Variants in ANXA10 observed in about 807,000 individuals in gnomAD.
ANXA10 encodes the protein annexin 14.
ANXA10 carries 49 observed loss-of-function variants against 53.5 expected under a neutral mutation model. The ratio of observed to expected loss-of-function variants is 0.92; its 90% CI spans 0.73 to 1.16. The LOEUF is 1.16. Ranked by LOEUF, ANXA10 falls within the 50% of genes most tolerant of loss-of-function variation. The pLI, the probability that ANXA10 is intolerant of heterozygous loss-of-function variation, is 0.00. For missense variants in ANXA10, 393 were observed against 394.4 expected, an observed-to-expected ratio of 1.00 and a Z score of 0.03; for synonymous variants, 131 against 128.9, an observed-to-expected ratio of 1.02 and a Z score of -0.11.
intron 8 of ANXA10, among the ~76,000 whole-genome samples, 164 bp from the exon 9 acceptor site, chr4:168,179,053 G>A (rs1732187882): frequency 1.3e-5 from 2 of 152,160 alleles, no homozygotes; most frequent in African/African-American, 4.8e-5. Flanking sequence ...ACTCTACTAA[G>A]AGTATTTGTA....
At chr4:168,097,059 C>T (rs1015262017) in intron 1 of ANXA10, among the ~76,000 whole-genome samples, 3 of 151,502 alleles carry the variant, frequency 2.0e-5, no homozygotes, top group African/African-American at 7.3e-5. Context: ...TTCTGTTGTA[C>T]TTAGCATAAT....
chr4:168,137,827 G>T (rs1731262276), intron 2 of ANXA10, among the ~76,000 whole-genome samples: 1 of 152,040 alleles, frequency 6.6e-6, no homozygotes, highest in South Asian at 2.1e-4. Context: ...TGAGTCAAAT[G>T]ATAGTTCTAT....
intron 1 of ANXA10, among the ~76,000 whole-genome samples, chr4:168,101,311 G>A (rs1460976899): frequency 6.6e-6 from 1 of 151,938 alleles, no homozygotes; most frequent in Non-Finnish European, 1.5e-5. Context: ...CATGCTTCCT[G>A]TTCCTGTGGA....
At position 168,155,808 on chromosome 4, in the gene ANXA10, GATATATT is replaced by G. The variant is rs1560783791; in HGVS notation, c.196-6713_196-6707del. On this transcript the variant is annotated intron_variant, in intron 3 of 11. Transcript: ENST00000359299. ...ATATTATATATAATATATAATATAT[GATATATT>G]ATATATGATATATGATATATCATAT... Among the ~76,000 whole-genome samples, 14 of 7,392 alleles carry G rather than the reference GATATATT, an allele frequency of 1.9e-3. No individual in the cohort carries two copies. The East Asian group carries it at 0.059, about 31-fold the overall frequency. 4.8% of individuals were successfully genotyped at this position (7,392 alleles called of 152,430 possible).
At chr4:168,155,993 CATAATTTAT>C (rs1731647247) in intron 3 of ANXA10, among the ~76,000 whole-genome samples, 1 of 23,456 alleles carries the variant, frequency 4.3e-5, no homozygotes, top group African/African-American at 1.7e-4. Flanking sequence ...ATATATTATA[CATAATTTAT>C]ATTATATGTT....
At chr4:168,151,260 A>G (rs1303569665) in intron 3 of ANXA10, among the ~76,000 whole-genome samples, 1 of 152,220 alleles carries the variant, frequency 6.6e-6, no homozygotes, top group Admixed American at 6.5e-5. Context: ...TAATAGAAAA[A>G]GCCATATAAG....
intron 3 of ANXA10, among the ~76,000 whole-genome samples, chr4:168,141,963 A>C (rs1731334848): frequency 1.3e-5 from 2 of 152,002 alleles, no homozygotes; most frequent in African/African-American, 4.8e-5. Flanking sequence ...ATTCTATCTA[A>C]TGGCTGCACT....
chr4:168,125,371 C>A (rs1731051213), intron 1 of ANXA10, among the ~76,000 whole-genome samples: 1 of 152,076 alleles, frequency 6.6e-6, no homozygotes, highest in South Asian at 2.1e-4. Context: ...CTGAATTATC[C>A]ATTGAAACCC....
intron 1 of ANXA10, among the ~76,000 whole-genome samples, chr4:168,126,660 G>C (rs1325630421): frequency 6.6e-6 from 1 of 152,046 alleles, no homozygotes; most frequent in African/African-American, 2.4e-5. Context: ...ATTCTTATGA[G>C]TCTGTCTGAT....
chr4:168,112,850 G>A (rs1274453087), intron 1 of ANXA10, among the ~76,000 whole-genome samples: 2 of 151,900 alleles, frequency 1.3e-5, no homozygotes, highest in Non-Finnish European at 2.9e-5. Flanking sequence ...ATGAAATCCT[G>A]TCTCTACTAA....
chr4:168,177,854 G>T, intron 7 of ANXA10, 36 bp from the exon 8 acceptor site: 2 of 1,614,028 alleles, frequency 1.2e-6, no homozygotes, highest in Non-Finnish European at 1.7e-6. Flanking sequence ...GGCTGGAGTG[G>T]TTCTGATGCT....
intron 10 of ANXA10, 68 bp from the exon 11 acceptor site, chr4:168,184,491 T>G (rs1423743447): frequency 3.2e-6 from 5 of 1,569,034 alleles, no homozygotes; most frequent in Non-Finnish European, 4.4e-6. Flanking sequence ...AAGGGGTGTG[T>G]CCACTTGGGA....
At chr4:168,118,027 G>C (rs1730923183) in intron 1 of ANXA10, among the ~76,000 whole-genome samples, 1 of 121,116 alleles carries the variant, frequency 8.3e-6, no homozygotes, top group Non-Finnish European at 1.9e-5. Context: ...GGAGTACTTG[G>C]AGAAAACCCA....
chr4:168,147,224 G>A (rs1731420522), intron 3 of ANXA10, among the ~76,000 whole-genome samples: 1 of 152,126 alleles, frequency 6.6e-6, no homozygotes, highest in Non-Finnish European at 1.5e-5. Flanking sequence ...CATTCATTGA[G>A]TCCCAGTTGA....
chr4:168,146,443 A>G (rs1244972866), intron 3 of ANXA10, among the ~76,000 whole-genome samples: 1 of 152,222 alleles, frequency 6.6e-6, no homozygotes, highest in East Asian at 1.9e-4. Flanking sequence ...CAGGGGCAAT[A>G]TCCTATGAAT....
At chr4:168,123,339 G>A (rs916915822) in intron 1 of ANXA10, among the ~76,000 whole-genome samples, 10 of 152,126 alleles carry the variant, frequency 6.6e-5, no homozygotes, top group Admixed American at 5.2e-4. Flanking sequence ...AGAGATTTCA[G>A]TATTGAATAG....
At chr4:168,156,553 G>A (rs113696902) in intron 3 of ANXA10, among the ~76,000 whole-genome samples, 3 of 149,244 alleles carry the variant, frequency 2.0e-5, no homozygotes, top group Non-Finnish European at 4.4e-5. Context: ...ACCCAGGCTG[G>A]AATGCAATGG....
chr4:168,125,043 A>G (rs899282833), intron 1 of ANXA10, among the ~76,000 whole-genome samples: 23 of 152,206 alleles, frequency 1.5e-4, no homozygotes, highest in African/African-American at 5.1e-4. Context: ...TAAGGAAGAC[A>G]ATGTGCTCAG....
Position 168,179,215 on chromosome 4 carries a change from A to G in ANXA10, c.629-2A>G, listed in dbSNP as rs1732190703. The G allele has an allele frequency of 6.3e-7, 1 of 1,586,500 alleles. No homozygotes were observed. The highest frequency in any genetic ancestry group is 8.6e-7 in the Non-Finnish European group (1 of 1,158,560). On this transcript the variant is annotated splice_acceptor_variant, in intron 8 of 11. Coordinates refer to ENST00000359299, the MANE Select transcript of ANXA10 (RefSeq NM_007193.5). LOFTEE classifies it high-confidence loss of function. ...CCTTTGAATTACATCAATTTGTTAAAGTTTTCCAGGAATTTCAAAATATTT... is the reference window on the plus strand; with the variant it reads ...CCTTTGAATTACATCAATTTGTTAAGGTTTTCCAGGAATTTCAAAATATTT...
Sources: gnomAD v4.1 joint callset for allele counts (sites outside exome capture counted in the v4.1 genomes callset) on GRCh38, gnomAD v4.1.1 for gene constraint, MANE v1.5 for transcripts, NCBI Gene and HGNC (gene_info 2026-07-23, HGNC 2026-07-21) for gene names.